The following CABCOCO1 variants were observed in gnomAD, a reference collection of about 807,000 sequenced individuals.
CABCOCO1 encodes the protein ciliary-associated calcium-binding coiled-coil protein 1.
CABCOCO1 carries 28 observed loss-of-function variants against 35.7 expected under a neutral mutation model. That is an observed-to-expected ratio of 0.78 (90% CI 0.58 to 1.07). The LOEUF (loss-of-function observed/expected upper bound fraction) is 1.07, where lower values mean the gene tolerates loss of function less well. Among genes scored for constraint, CABCOCO1 ranks in the 50% least tolerant of loss-of-function variants. The pLI, the probability that CABCOCO1 is intolerant of heterozygous loss-of-function variation, is 0.00. For missense variants in CABCOCO1, 326 were observed against 309.2 expected (o/e 1.05, Z -0.41); for synonymous variants, 95 against 100.1 (o/e 0.95, Z 0.30).
At chr10:61,718,893 G>A (rs949141121) in intron 5 of CABCOCO1, among the ~76,000 whole-genome samples, 6 of 152,134 alleles carry the variant, frequency 3.9e-5, no homozygotes, top group South Asian at 2.1e-4. Context: ...TACCCAATAC[G>A]TACATCTTCT....
intron 7 of CABCOCO1, among the ~76,000 whole-genome samples, chr10:61,761,835 A>G (rs904178106): frequency 7.2e-5 from 11 of 152,144 alleles, no homozygotes; most frequent in Non-Finnish European, 1.6e-4. Flanking sequence ...AGAGCAAAAG[A>G]TTAGCTTGGC....
intron 5 of CABCOCO1, among the ~76,000 whole-genome samples, chr10:61,751,230 T>C (rs1589154447): frequency 6.7e-6 from 1 of 149,570 alleles, no homozygotes; most frequent in South Asian, 2.2e-4. Flanking sequence ...TTTTTTTTTT[T>C]TTTTTTCATA....
At chr10:61,765,884 T>C (rs1842097439) in intron 7 of CABCOCO1, 55 bp from the exon 8 acceptor site, 4 of 1,497,026 alleles carry the variant, frequency 2.7e-6, no homozygotes, top group African/African-American at 1.4e-5. Context: ...ACAAAGACAA[T>C]GTGCAGCAAA....
chr10:61,759,879 T>G (rs1360661555), intron 5 of CABCOCO1, among the ~76,000 whole-genome samples, 180 bp from the exon 6 acceptor site: 3 of 152,034 alleles, frequency 2.0e-5, no homozygotes, highest in Non-Finnish European at 4.4e-5. Flanking sequence ...GTGTTAATTT[T>G]GAGAAATGGA....
chr10:61,762,317 C>A (rs1842024648), intron 7 of CABCOCO1, among the ~76,000 whole-genome samples: 1 of 152,056 alleles, frequency 6.6e-6, no homozygotes, highest in African/African-American at 2.4e-5. Context: ...TTAAATATTA[C>A]AGTCTGCAGC....
Position 61,681,183 on chromosome 10 carries a change from T to G in CABCOCO1, c.205T>G (p.Cys69Gly), listed in dbSNP as rs1839779717. ...TTTGAATTTCAAAAACCTTGAAACT[T>G]GTTTAAAGGATGCCATTCTACTAGA... ...IFLNFKNLETCLKDAILLDYY... is the reference protein window; with the variant it reads ...IFLNFKNLETGLKDAILLDYY... Residue 69 changes from cysteine (C) to glycine (G), a missense_variant, in exon 3 of 8, where the codon TGT becomes GGT. Transcript: ENST00000648843. The G allele has an allele frequency of 1.3e-5, 20 of 1,500,630 alleles. No homozygotes were observed. In the South Asian group the frequency reaches 2.5e-4, roughly 18 times the overall value. 93.0% of individuals were successfully genotyped at this position (1,500,630 alleles called of 1,614,324 possible).
chr10:61,666,510 G>A (rs1839177137), intron 1 of CABCOCO1, among the ~76,000 whole-genome samples: 1 of 152,150 alleles, frequency 6.6e-6, no homozygotes, highest in African/African-American at 2.4e-5. Flanking sequence ...CTGTAGCATG[G>A]AGATATTGAC....
At chr10:61,686,427 T>C (rs1839966907) in intron 4 of CABCOCO1, among the ~76,000 whole-genome samples, 1 of 151,990 alleles carries the variant, frequency 6.6e-6, no homozygotes. Flanking sequence ...AAAAAAAAGG[T>C]TTGCGTTTGA....
chr10:61,732,016 G>A (rs934763012), intron 5 of CABCOCO1, among the ~76,000 whole-genome samples: 11 of 151,962 alleles, frequency 7.2e-5, no homozygotes, highest in Non-Finnish European at 1.5e-4. Context: ...AGATTTTAAA[G>A]CAAAAGAATT....
chr10:61,663,186 G>C (rs1413212392), intron 1 of CABCOCO1, 154 bp downstream of exon 1: 1 of 192,916 alleles, frequency 5.2e-6, no homozygotes, highest in Non-Finnish European at 1.2e-5. Context: ...TGGGAGGGCG[G>C]CAGGGCTGGG....
chr10:61,670,802 C>T (rs1332632591), intron 1 of CABCOCO1, among the ~76,000 whole-genome samples: 1 of 152,240 alleles, frequency 6.6e-6, no homozygotes, highest in Non-Finnish European at 1.5e-5. Flanking sequence ...CCCTTCACAG[C>T]TCTTCTCTTC....
At chr10:61,711,409 A>T (rs926280013) in intron 5 of CABCOCO1, among the ~76,000 whole-genome samples, 8 of 151,982 alleles carry the variant, frequency 5.3e-5, no homozygotes, top group African/African-American at 1.9e-4. Flanking sequence ...TTTCCTAATA[A>T]AAAAAGGCAC....
intron 5 of CABCOCO1, among the ~76,000 whole-genome samples, chr10:61,739,848 A>G (rs1841509819): frequency 6.6e-6 from 1 of 152,240 alleles, no homozygotes; most frequent in South Asian, 2.1e-4. Context: ...AGGCTGAGGC[A>G]GGAGAATCGC....
chr10:61,704,128 T>G (rs1317210615), intron 5 of CABCOCO1, among the ~76,000 whole-genome samples: 2 of 151,608 alleles, frequency 1.3e-5, no homozygotes, highest in Admixed American at 6.6e-5. Flanking sequence ...GGAGGCTGAG[T>G]CAGGAGAATC....
At chr10:61,737,500 C>A (rs1163885833) in intron 5 of CABCOCO1, among the ~76,000 whole-genome samples, 2 of 152,150 alleles carry the variant, frequency 1.3e-5, no homozygotes, top group African/African-American at 4.8e-5. Context: ...AAGACACATT[C>A]ACGCGAATTT....
chr10:61,699,588 C>G (rs923146051), intron 5 of CABCOCO1, among the ~76,000 whole-genome samples: 1 of 152,046 alleles, frequency 6.6e-6, no homozygotes, highest in African/African-American at 2.4e-5. Flanking sequence ...AGTTCTCTAA[C>G]ATTTTGCTAC....
chr10:61,689,178 A>C (rs934727485), intron 4 of CABCOCO1, among the ~76,000 whole-genome samples: 2 of 152,188 alleles, frequency 1.3e-5, no homozygotes, highest in Non-Finnish European at 2.9e-5. Context: ...CTGTTTCCAA[A>C]ATACTCTATA....
At chr10:61,684,688 T>C (rs541515905) in intron 3 of CABCOCO1, among the ~76,000 whole-genome samples, 2 of 152,088 alleles carry the variant, frequency 1.3e-5, no homozygotes, top group African/African-American at 4.8e-5. Context: ...CAGCCTGGCT[T>C]TAGTATCTTT....
intron 5 of CABCOCO1, among the ~76,000 whole-genome samples, chr10:61,720,382 T>C (rs1165190173): frequency 6.6e-6 from 1 of 152,074 alleles, no homozygotes; most frequent in Non-Finnish European, 1.5e-5. Context: ...AGAAAAGAGA[T>C]TTGAATTACA....
Sources: allele counts gnomAD v4.1 joint callset (sites outside exome capture counted in the v4.1 genomes callset), GRCh38; gene constraint gnomAD v4.1.1; transcripts MANE v1.5; gene names NCBI Gene and HGNC (gene_info 2026-07-23, HGNC 2026-07-21).